LMBRD1: variants seen among roughly 807,000 people sequenced by gnomAD.
The protein encoded by LMBRD1 is lysosomal cobalamin transport escort protein LMBD1.
Under a neutral mutation model 74.8 loss-of-function variants are expected in LMBRD1, and 64 were observed. The ratio of observed to expected loss-of-function variants is 0.86; its 90% CI spans 0.70 to 1.05. The LOEUF is 1.05. Among genes scored for constraint, LMBRD1 ranks in the 50% least tolerant of loss-of-function variants. The pLI is 0.00. For missense variants in LMBRD1, 652 were observed against 645.9 expected (o/e 1.01, Z -0.10); for synonymous variants, 204 against 216.3 (o/e 0.94, Z 0.50).
intron 7 of LMBRD1, among the ~76,000 whole-genome samples, chr6:69,736,091 C>T (rs1183245338): frequency 6.6e-6 from 1 of 152,092 alleles, no homozygotes; most frequent in Admixed American, 6.5e-5. Flanking sequence ...TCTACTTATG[C>T]TGCCTTATTT....
chr6:69,751,439 G>T (rs2149877499), intron 4 of LMBRD1, among the ~76,000 whole-genome samples: 1 of 152,036 alleles, frequency 6.6e-6, no homozygotes, highest in South Asian at 2.1e-4. Context: ...CAATTCTCCT[G>T]CCTCAGCCTC....
At chr6:69,772,978 C>T (rs995143708) in intron 3 of LMBRD1, among the ~76,000 whole-genome samples, 3 of 152,176 alleles carry the variant, frequency 2.0e-5, no homozygotes, top group Admixed American at 6.5e-5. Context: ...CCTAACCTTA[C>T]GAAGTAGGTA....
At chr6:69,701,371 C>T (rs1454884352) in intron 11 of LMBRD1, 72 bp downstream of exon 11, 2 of 848,596 alleles carry the variant, frequency 2.4e-6, no homozygotes, top group African/African-American at 3.4e-5. Context: ...AACAGGATGT[C>T]AGAATGTTTG....
intron 14 of LMBRD1, among the ~76,000 whole-genome samples, chr6:69,687,909 A>G (rs1187807510): frequency 6.6e-6 from 1 of 152,124 alleles, no homozygotes; most frequent in Non-Finnish European, 1.5e-5. Context: ...GATGACCTAC[A>G]TTCTCCTGAA....
intron 8 of LMBRD1, among the ~76,000 whole-genome samples, chr6:69,715,101 A>AT (rs1299024662): frequency 6.6e-6 from 1 of 152,020 alleles, no homozygotes; most frequent in Non-Finnish European, 1.5e-5. Context: ...ACTAAGAGGG[A>AT]TTTTCTGAAG....
intron 14 of LMBRD1, among the ~76,000 whole-genome samples, chr6:69,688,402 AT>A (rs758941295): frequency 1.7e-3 from 255 of 146,568 alleles, no homozygotes; most frequent in Middle Eastern, 3.5e-3. Flanking sequence ...AAGGGCAGAG[AT>A]TTTTTTTTTT....
intron 3 of LMBRD1, among the ~76,000 whole-genome samples, chr6:69,767,062 T>C (rs1765487262): frequency 6.6e-6 from 1 of 151,766 alleles, no homozygotes; most frequent in African/African-American, 2.4e-5. Flanking sequence ...ACTTCTTTCA[T>C]TCCTTATTTT....
At chr6:69,718,745 C>G (rs1766548155) in intron 8 of LMBRD1, among the ~76,000 whole-genome samples, 1 of 152,182 alleles carries the variant, frequency 6.6e-6, no homozygotes, top group Non-Finnish European at 1.5e-5. Context: ...AATTACCTCC[C>G]ACTGGGTCCC....
rs190759080 is a variant in LMBRD1 at position 69,718,270 on chromosome 6, A to T, written c.762+686T>A. On this transcript the variant is annotated intron_variant, in intron 8 of 15. Coordinates refer to ENST00000649934, the MANE Select transcript of LMBRD1 (RefSeq NM_018368.4). ...TTATTCAACTAGTAAATAAAACTTGAACATAAATATTATAGTAAAATATAA... is the reference window on the plus strand; with the variant it reads ...TTATTCAACTAGTAAATAAAACTTGTACATAAATATTATAGTAAAATATAA... 1.1e-3 allele frequency among the ~76,000 whole-genome samples: 166 copies of T among 152,256 alleles called. 1 individual carries two copies. The highest frequency in any genetic ancestry group is 4.3e-3 in the Admixed American group (65 of 15,284).
Position 69,715,470 on chromosome 6 carries a change from TA to T in LMBRD1, c.763-1674del, listed in dbSNP as rs531400565. 1.9e-3 allele frequency among the ~76,000 whole-genome samples: 295 copies of T among 152,236 alleles called. 1 individual carries two copies. Among genetic ancestry groups the T allele is most frequent in the Middle Eastern group, 0.01 (3 of 294 alleles). On this transcript the variant is annotated intron_variant, in intron 8 of 15. Transcript: ENST00000649934. Reference sequence around the variant, plus strand: ...GATCAGAGAAACAAATACTAAGATGTAAACTCAGCAGTGAACATCTACCTCA... The same window carrying T: ...GATCAGAGAAACAAATACTAAGATGTAACTCAGCAGTGAACATCTACCTCA...
chr6:69,728,572 TC>T (rs1766785819), intron 7 of LMBRD1, among the ~76,000 whole-genome samples: 1 of 152,194 alleles, frequency 6.6e-6, no homozygotes, highest in Non-Finnish European at 1.5e-5. Context: ...ACTGCAGTAC[TC>T]GATACTGTTT....
chr6:69,688,609 T>C (rs1289118295), intron 14 of LMBRD1, among the ~76,000 whole-genome samples: 1 of 152,010 alleles, frequency 6.6e-6, no homozygotes. Context: ...ACTCATACTT[T>C]TCAACAAACT....
At chr6:69,744,935 C>G (rs899707975) in intron 5 of LMBRD1, among the ~76,000 whole-genome samples, 1 of 151,908 alleles carries the variant, frequency 6.6e-6, no homozygotes, top group Non-Finnish European at 1.5e-5. Flanking sequence ...CTCTGCCTCC[C>G]GGGTTCAAGC....
At chr6:69,753,926 G>A (rs1765217958) in intron 3 of LMBRD1, among the ~76,000 whole-genome samples, 1 of 149,944 alleles carries the variant, frequency 6.7e-6, no homozygotes, top group Non-Finnish European at 1.5e-5. Context: ...GGGCGAGAGA[G>A]AGACTCCGTC....
chr6:69,713,811 A>T lies in LMBRD1; in HGVS notation c.763-14T>A. 2 of 1,613,066 alleles carry T rather than the reference A, an allele frequency of 1.2e-6. No individual in the cohort carries two copies. The highest frequency in any genetic ancestry group is 1.7e-6 in the Non-Finnish European group (2 of 1,179,346). On this transcript the variant is annotated splice_polypyrimidine_tract_variant and intron_variant, in intron 8 of 15. Coordinates refer to ENST00000649934, the MANE Select transcript of LMBRD1 (RefSeq NM_018368.4). ...ACCATCTTTGCTCTGCAAATAACAGAACAAAATAAAAGTTTTACCATTAAC... is the reference window on the plus strand; with the variant it reads ...ACCATCTTTGCTCTGCAAATAACAGTACAAAATAAAAGTTTTACCATTAAC...
chr6:69,720,183 A>C (rs1180004775), intron 7 of LMBRD1, among the ~76,000 whole-genome samples: 4 of 152,090 alleles, frequency 2.6e-5, no homozygotes, highest in Non-Finnish European at 5.9e-5. Flanking sequence ...CTTTTTTTTT[A>C]ATTAAGGGAG....
intron 7 of LMBRD1, among the ~76,000 whole-genome samples, chr6:69,733,227 G>GTTTTCC (rs1436783903): frequency 6.6e-6 from 1 of 152,004 alleles, no homozygotes; most frequent in Non-Finnish European, 1.5e-5. Flanking sequence ...AAGTACTCAA[G>GTTTTCC]TATTAATTTC....
intron 7 of LMBRD1, among the ~76,000 whole-genome samples, chr6:69,729,427 A>C (rs1024661068): frequency 6.6e-6 from 1 of 151,944 alleles, no homozygotes; most frequent in Non-Finnish European, 1.5e-5. Flanking sequence ...GGCCAGACTA[A>C]TAACAACTAC....
At chr6:69,772,071 A>C (rs768222771) in intron 3 of LMBRD1, among the ~76,000 whole-genome samples, 21 of 152,204 alleles carry the variant, frequency 1.4e-4, no homozygotes, top group Non-Finnish European at 2.4e-4. Flanking sequence ...TGACAGATTA[A>C]AGGTCAGTTG....
Sources: allele counts gnomAD v4.1 joint callset (sites outside exome capture counted in the v4.1 genomes callset), GRCh38; gene constraint gnomAD v4.1.1; transcripts MANE v1.5; gene names NCBI Gene and HGNC (gene_info 2026-07-23, HGNC 2026-07-21).